The following MAPK10 variants were observed in gnomAD, a reference collection of about 807,000 sequenced individuals.
MAPK10 encodes JNK3 alpha protein kinase.
In MAPK10, 25 loss-of-function variants were observed where a neutral mutation model predicts 59.3. That is an observed-to-expected ratio of 0.42 (90% CI 0.31 to 0.59). The LOEUF (loss-of-function observed/expected upper bound fraction) is 0.59, where lower values mean the gene tolerates loss of function less well. Among genes scored for constraint, MAPK10 ranks in the 20% least tolerant of loss-of-function variants. The pLI is 0.15. For missense variants in MAPK10, 351 were observed against 568.9 expected, an observed-to-expected ratio of 0.62 and a Z score of 3.90; for synonymous variants, 190 against 200.5, an observed-to-expected ratio of 0.95 and a Z score of 0.44.
chr4:86,181,407 G>T lies in MAPK10; in HGVS notation c.66+12929C>A, dbSNP rs74648104. 8.0e-3 allele frequency among the ~76,000 whole-genome samples: 1,212 copies of T among 151,962 alleles called. 15 individuals carry two copies. Among genetic ancestry groups the T allele is most frequent in the African/African-American group, 0.028 (1,146 of 41,452 alleles). On this transcript the variant is annotated intron_variant, in intron 3 of 13. Transcript: ENST00000641462. ...TGTGTCACAGGCTTTCTCAAAATCA[G>T]GAAATAATTTAAAATTATTCATAAC...
chr4:86,239,822 A>G (rs1014977965), intron 2 of MAPK10, among the ~76,000 whole-genome samples: 1 of 145,992 alleles, frequency 6.8e-6, no homozygotes, highest in African/African-American at 2.5e-5. Context: ...GGATTCATTG[A>G]GTTTTGGGAG....
intron 11 of MAPK10, chr4:86,044,706 C>T: frequency 2.5e-6 from 1 of 397,508 alleles, no homozygotes; most frequent in Non-Finnish European, 4.4e-6. Flanking sequence ...AGTCCGTAGA[C>T]TAAAGTGAGC....
chr4:86,494,933 G>C (rs899472506), intron 1 of MAPK10, among the ~76,000 whole-genome samples: 2 of 129,030 alleles, frequency 1.6e-5, no homozygotes, highest in Non-Finnish European at 3.1e-5. Context: ...TTTTCCTTAA[G>C]TTGATCTTGA....
intron 1 of MAPK10, among the ~76,000 whole-genome samples, chr4:86,420,351 T>C (rs1579149014): frequency 6.6e-6 from 1 of 152,200 alleles, no homozygotes; most frequent in East Asian, 1.9e-4. Context: ...TTTGTATTAT[T>C]GAGGAACAAG....
chr4:86,268,865 T>C (rs566799205), intron 2 of MAPK10, among the ~76,000 whole-genome samples: 196 of 152,246 alleles, frequency 1.3e-3, no homozygotes, highest in African/African-American at 4.5e-3. Context: ...AGTGAATGAA[T>C]AAATTACAAA....
At chr4:86,101,523 CA>C (rs2055392884) in intron 7 of MAPK10, 2 of 376,588 alleles carry the variant, frequency 5.3e-6, no homozygotes, top group East Asian at 9.7e-5. Context: ...ATAAATCTTT[CA>C]ACATATATAT....
intron 5 of MAPK10, among the ~76,000 whole-genome samples, chr4:86,104,312 T>C (rs535236707): frequency 1.2e-4 from 18 of 152,240 alleles, no homozygotes; most frequent in African/African-American, 4.3e-4. Context: ...TATGGCAATG[T>C]TGTAATATAG....
At chr4:86,574,134 C>G (rs1367845059) in intron 1 of MAPK10, among the ~76,000 whole-genome samples, 3 of 151,770 alleles carry the variant, frequency 2.0e-5, no homozygotes, top group African/African-American at 7.3e-5. Context: ...CAATTCCCAC[C>G]TATGAGTGAG....
chr4:86,354,413 G>A lies in MAPK10; in HGVS notation c.-7+117C>T, dbSNP rs187895261. The A allele has an allele frequency of 5.3e-4, 228 of 430,378 alleles. 2 individuals carry two copies. The highest frequency in any genetic ancestry group is 8.3e-4 in the Non-Finnish European group (213 of 256,472). The allele number at this position is 430,378 out of a possible 1,614,324, so 26.7% of individuals were successfully genotyped here. ...TCTATTGATTTTCACTTCTGTAGTC[G>A]AAATTATTTGGAGCAGTATTTCTCC... On this transcript the variant is annotated intron_variant, in intron 2 of 13. Coordinates refer to ENST00000641462, the MANE Select transcript of MAPK10 (RefSeq NM_138982.4).
chr4:86,256,700 T>C (rs1351836927), intron 2 of MAPK10, among the ~76,000 whole-genome samples: 1 of 151,444 alleles, frequency 6.6e-6, no homozygotes, highest in Admixed American at 6.6e-5. Context: ...CTGAACTTTA[T>C]GTATTATACT....
At chr4:86,108,705 C>T (rs1213943461) in intron 4 of MAPK10, among the ~76,000 whole-genome samples, 5 of 152,110 alleles carry the variant, frequency 3.3e-5, no homozygotes, top group Admixed American at 1.3e-4. Flanking sequence ...AATAGAAATG[C>T]CATCATTCTA....
At chr4:86,576,192 C>T (rs1284635281) in intron 1 of MAPK10, among the ~76,000 whole-genome samples, 1 of 151,730 alleles carries the variant, frequency 6.6e-6, no homozygotes, top group East Asian at 1.9e-4. Context: ...ATTCAAAGAT[C>T]CAGAAAGAGC....
At chr4:86,441,294 G>A (rs908363906) in intron 1 of MAPK10, among the ~76,000 whole-genome samples, 1 of 152,162 alleles carries the variant, frequency 6.6e-6, no homozygotes, top group Non-Finnish European at 1.5e-5. Context: ...AGAGGGCAAT[G>A]TTCTGATTCA....
At chr4:86,505,174 G>A (rs944247550) in intron 1 of MAPK10, among the ~76,000 whole-genome samples, 1 of 151,978 alleles carries the variant, frequency 6.6e-6, no homozygotes, top group Non-Finnish European at 1.5e-5. Context: ...CCTCTATAGT[G>A]CTTCAGCAAT....
chr4:86,336,408 A>C (rs1048381978), intron 2 of MAPK10: 20 of 152,206 alleles, frequency 1.3e-4, no homozygotes, highest in African/African-American at 4.8e-4. Flanking sequence ...TTGAGAACTT[A>C]TTTGGAGCTT....
At position 86,422,474 on chromosome 4, in the gene MAPK10, C is replaced by T. The variant is rs570199583; in HGVS notation, c.-122+30556G>A. ...CAGTATCTTTCTTGCACCTTCATTC[C>T]ATTATGCCAACAAAACAAGAAGAAA... On this transcript the variant is annotated intron_variant, in intron 1 of 13. Coordinates refer to the MAPK10 transcript ENST00000361569. 5.0e-4 allele frequency among the ~76,000 whole-genome samples: 76 copies of T among 152,286 alleles called. No individual in the cohort carries two copies. The East Asian group carries it at 6.9e-3, about 14-fold the overall frequency.
intron 1 of MAPK10, among the ~76,000 whole-genome samples, chr4:86,526,721 T>G (rs1343190429): frequency 6.6e-5 from 10 of 152,204 alleles, no homozygotes; most frequent in Admixed American, 6.5e-4. Flanking sequence ...TAAACTTTCC[T>G]CTTAATGCTG....
intron 11 of MAPK10, among the ~76,000 whole-genome samples, chr4:86,033,900 G>C (rs149232633): frequency 6.6e-6 from 1 of 152,276 alleles, no homozygotes; most frequent in East Asian, 1.9e-4. Flanking sequence ...CAACACACAC[G>C]TATAAGTGCT....
chr4:86,236,802 GCAT>G (rs1278929007), intron 2 of MAPK10, among the ~76,000 whole-genome samples: 3 of 152,076 alleles, frequency 2.0e-5, no homozygotes, highest in African/African-American at 7.2e-5. Context: ...ATGAATAATA[GCAT>G]CATCAACTAA....
Sources: allele counts gnomAD v4.1 joint callset (sites outside exome capture counted in the v4.1 genomes callset), GRCh38; gene constraint gnomAD v4.1.1; transcripts MANE v1.5; gene names NCBI Gene and HGNC (gene_info 2026-07-23, HGNC 2026-07-21).